STIMATE: variants seen among roughly 807,000 people sequenced by gnomAD.
The protein encoded by STIMATE is store-operated calcium entry regulator STIMATE.
STIMATE carries 15 observed loss-of-function variants against 36.7 expected under a neutral mutation model. That is an observed-to-expected ratio of 0.41 (90% confidence interval 0.27 to 0.63). The LOEUF (loss-of-function observed/expected upper bound fraction) is 0.63, where lower values mean the gene tolerates loss of function less well. Among genes scored for constraint, STIMATE ranks in the 20% least tolerant of loss-of-function variants. STIMATE has a pLI of 0.32. For missense variants in STIMATE, 305 were observed against 397.3 expected (o/e 0.77, Z 1.98); for synonymous variants, 163 against 162.3 (o/e 1.00, Z -0.03).
At chr3:52,867,397 T>C (rs888833485) in intron 1 of STIMATE, among the ~76,000 whole-genome samples, 1 of 152,214 alleles carries the variant, frequency 6.6e-6, no homozygotes, top group Admixed American at 6.5e-5. Flanking sequence ...GTGTGAGACG[T>C]TGGACCTCAG....
intron 1 of STIMATE, among the ~76,000 whole-genome samples, chr3:52,892,564 G>C (rs1230897981): frequency 6.6e-6 from 1 of 152,206 alleles, no homozygotes. Context: ...CCCAAAGACA[G>C]GCGCCTTCAC....
At position 52,844,976 on chromosome 3, in the gene STIMATE, C is replaced by T. The variant is rs768338574; in HGVS notation, c.428-35G>A. On this transcript the variant is annotated intron_variant, in intron 4 of 7. Transcript: ENST00000355083. ...CAGGCGGGTGCTTAGTCACATGGGG[C>T]CCAGGCATCTGAGTGAGATGATGTC... The T allele has an allele frequency of 1.9e-5, 31 of 1,606,558 alleles. No homozygotes were observed. In the South Asian group the frequency reaches 3.3e-4, roughly 17 times the overall value.
At chr3:52,893,123 A>T (rs1701807880) in intron 1 of STIMATE, among the ~76,000 whole-genome samples, 1 of 152,192 alleles carries the variant, frequency 6.6e-6, no homozygotes, top group South Asian at 2.1e-4. Context: ...ACGTAACCAG[A>T]CACAACGTGT....
Position 52,897,376 on chromosome 3 carries a change from G to T in STIMATE, c.75C>A (p.Gly25=), listed in dbSNP as rs1286503750. 2 of 1,503,850 alleles carry T rather than the reference G, an allele frequency of 1.3e-6. No homozygotes were observed. The highest frequency in any genetic ancestry group is 8.8e-7 in the Non-Finnish European group (1 of 1,133,228). 93.2% of individuals were successfully genotyped at this position (1,503,850 alleles called of 1,614,324 possible). Residue 25 remains glycine, a synonymous_variant, in exon 1 of 8, where the codon GGC becomes GGA. Transcript: ENST00000355083. The stretch of plus-strand genomic sequence containing the variant: ...GCATGAGCGCGCCGCTCTCGCAGCG[G>T]CCCGCCCCGGACGCGACTGTGGAGG... The part of the protein sequence containing the change: ...GPPSTVASGA[G]RCESGALMHS...
At chr3:52,858,711 G>A (rs1033093609) in intron 1 of STIMATE, among the ~76,000 whole-genome samples, 13 of 152,162 alleles carry the variant, frequency 8.5e-5, no homozygotes, top group African/African-American at 3.1e-4. Context: ...TGCACTGCCA[G>A]ATACATGCTA....
At chr3:52,855,708 G>A (rs573425701) in intron 1 of STIMATE, among the ~76,000 whole-genome samples, 1 of 152,292 alleles carries the variant, frequency 6.6e-6, no homozygotes, top group South Asian at 2.1e-4. Flanking sequence ...TTCCCTTTGT[G>A]ACACACAAGG....
chr3:52,875,280 C>T (rs539408100), intron 1 of STIMATE, among the ~76,000 whole-genome samples: 2 of 152,188 alleles, frequency 1.3e-5, no homozygotes, highest in African/African-American at 2.4e-5. Context: ...AAAGAACTGA[C>T]CTTCACTGCA....
At chr3:52,841,428 G>A (rs1700795955) in intron 7 of STIMATE, among the ~76,000 whole-genome samples, 2 of 152,226 alleles carry the variant, frequency 1.3e-5, no homozygotes, top group African/African-American at 4.8e-5. Context: ...CTAAGGCCCT[G>A]GAATGACTCA....
At chr3:52,891,507 G>GA (rs1575352737) in intron 1 of STIMATE, among the ~76,000 whole-genome samples, 1 of 152,184 alleles carries the variant, frequency 6.6e-6, no homozygotes, top group East Asian at 1.9e-4. Context: ...GGCAGCCCCA[G>GA]GCACCCACTG....
At chr3:52,867,696 A>G (rs960555549) in intron 1 of STIMATE, among the ~76,000 whole-genome samples, 4 of 152,188 alleles carry the variant, frequency 2.6e-5, no homozygotes, top group Non-Finnish European at 5.9e-5. Flanking sequence ...GGCAAGTGGC[A>G]AGCAGCGCCA....
Position 52,897,460 on chromosome 3 carries a change from C to A in STIMATE, c.-10G>T. The A allele has an allele frequency of 7.7e-7, 1 of 1,307,062 alleles. No homozygotes were observed. Among genetic ancestry groups the A allele is most frequent in the Non-Finnish European group, 9.7e-7 (1 of 1,031,666 alleles). 81.0% of individuals were successfully genotyped at this position (1,307,062 alleles called of 1,614,324 possible). On this transcript the variant is annotated 5_prime_UTR_variant, in exon 1 of 8. Coordinates refer to ENST00000355083, the MANE Select transcript of STIMATE (RefSeq NM_198563.5). Reference sequence around the variant, plus strand: ...CGGCGGGGCCCTGCATGACAGGCCTCGCGGGAGGGGCGCGAGGGCCCAGGG... The same window carrying A: ...CGGCGGGGCCCTGCATGACAGGCCTAGCGGGAGGGGCGCGAGGGCCCAGGG...
chr3:52,844,101 G>A (rs1341162390), intron 5 of STIMATE, among the ~76,000 whole-genome samples: 2 of 152,146 alleles, frequency 1.3e-5, no homozygotes, highest in Admixed American at 6.5e-5. Context: ...AGAGTGGAGT[G>A]TGGGCTTCAG....
At chr3:52,851,113 C>T (rs563745481) in intron 3 of STIMATE, among the ~76,000 whole-genome samples, 8 of 152,216 alleles carry the variant, frequency 5.3e-5, no homozygotes, top group Non-Finnish European at 1.2e-4. Context: ...GAAGGGCATA[C>T]CACATGAACT....
At chr3:52,856,953 C>T (rs1286081709) in intron 1 of STIMATE, among the ~76,000 whole-genome samples, 3 of 152,232 alleles carry the variant, frequency 2.0e-5, no homozygotes, top group African/African-American at 7.2e-5. Context: ...CTGTGTGATA[C>T]TTTCCCACAG....
At chr3:52,847,950 A>G (rs1700936188) in intron 4 of STIMATE, 1 of 197,084 alleles carries the variant, frequency 5.1e-6, no homozygotes. Context: ...CAAGGCTTAC[A>G]GGCAGACTCT....
chr3:52,874,963 T>C (rs950556393), intron 1 of STIMATE, among the ~76,000 whole-genome samples: 15 of 152,224 alleles, frequency 9.9e-5, no homozygotes, highest in Non-Finnish European at 1.6e-4. Flanking sequence ...CCAACTCATT[T>C]AGAAAATCTC....
intron 1 of STIMATE, among the ~76,000 whole-genome samples, chr3:52,878,431 G>A (rs1289095695): frequency 6.6e-6 from 1 of 151,980 alleles, no homozygotes; most frequent in East Asian, 1.9e-4. Flanking sequence ...GCCTGGTTTA[G>A]GAATCCTATG....
intron 3 of STIMATE, among the ~76,000 whole-genome samples, chr3:52,851,096 A>G (rs13080929): frequency 6.6e-6 from 1 of 152,162 alleles, no homozygotes; most frequent in East Asian, 1.9e-4. Context: ...TGAGAGGAGG[A>G]GGCTCTGAAG....
At chr3:52,875,518 C>T (rs1486325783) in intron 1 of STIMATE, among the ~76,000 whole-genome samples, 1 of 152,150 alleles carries the variant, frequency 6.6e-6, no homozygotes, top group Admixed American at 6.5e-5. Flanking sequence ...GTCCCCGTAA[C>T]CCAAGGCTCC....
Sources: allele counts gnomAD v4.1 joint callset (sites outside exome capture counted in the v4.1 genomes callset), GRCh38; gene constraint gnomAD v4.1.1; transcripts MANE v1.5; gene names NCBI Gene and HGNC (gene_info 2026-07-23, HGNC 2026-07-21).